The following PDLIM5 variants were observed in gnomAD, a reference collection of about 807,000 sequenced individuals.
PDLIM5 encodes PDZ and LIM domain 5.
In PDLIM5, 34 loss-of-function variants were observed where a neutral mutation model predicts 64.2. The observed-to-expected ratio is 0.53, with a 90% CI of 0.40 to 0.71. The LOEUF (loss-of-function observed/expected upper bound fraction) is 0.71. Ranked by LOEUF, PDLIM5 falls within the 30% of genes least tolerant of loss-of-function variation. The probability of loss-of-function intolerance (pLI) is 0.00; values close to 1 mark genes in which losing one functional copy is unlikely to be tolerated. For missense variants in PDLIM5, 683 were observed against 733.6 expected (o/e 0.93, Z 0.80); for synonymous variants, 253 against 269.1 (o/e 0.94, Z 0.59).
chr4:94,455,012 C>G (rs56827347), intron 1 of PDLIM5, among the ~76,000 whole-genome samples: 3 of 152,116 alleles, frequency 2.0e-5, no homozygotes, highest in African/African-American at 4.8e-5. Flanking sequence ...GTGAAACATA[C>G]TAAGTGTCTA....
At chr4:94,587,594 A>G in intron 7 of PDLIM5, 1 of 971,306 alleles carries the variant, frequency 1.0e-6, no homozygotes, top group Non-Finnish European at 1.2e-6. Flanking sequence ...GACTTTATTA[A>G]AGAAGAGTGC....
intron 8 of PDLIM5, among the ~76,000 whole-genome samples, chr4:94,634,542 T>C (rs749600254): frequency 1.3e-5 from 2 of 152,200 alleles, no homozygotes; most frequent in South Asian, 2.1e-4. Flanking sequence ...TTTGACAGGA[T>C]GTAGTATTTT....
chr4:94,657,623 C>A, intron 11 of PDLIM5, 76 bp downstream of exon 11: 1 of 1,046,778 alleles, frequency 9.6e-7, no homozygotes, highest in South Asian at 1.8e-5. Context: ...CTATAAAGCT[C>A]AAGAAAATAT....
At chr4:94,626,085 C>T (rs368921986) in intron 8 of PDLIM5, among the ~76,000 whole-genome samples, 6 of 152,004 alleles carry the variant, frequency 3.9e-5, no homozygotes, top group South Asian at 2.1e-4. Flanking sequence ...TTTGATCAAA[C>T]GAAACGGGAA....
At chr4:94,624,914 A>G (rs1739545661) in intron 8 of PDLIM5, among the ~76,000 whole-genome samples, 1 of 152,244 alleles carries the variant, frequency 6.6e-6, no homozygotes, top group African/African-American at 2.4e-5. Context: ...CATTATTAAA[A>G]GATTATTATA....
chr4:94,632,467 G>A (rs1740232174), intron 8 of PDLIM5, among the ~76,000 whole-genome samples: 1 of 152,158 alleles, frequency 6.6e-6, no homozygotes, highest in Non-Finnish European at 1.5e-5. Flanking sequence ...CTGGGCAACA[G>A]AGTAGAGACC....
intron 8 of PDLIM5, among the ~76,000 whole-genome samples, chr4:94,629,088 T>G (rs1269956833): frequency 6.6e-6 from 1 of 152,182 alleles, no homozygotes; most frequent in Non-Finnish European, 1.5e-5. Context: ...CAGTGGCCCA[T>G]GCCTGTAATC....
At chr4:94,606,283 T>C (rs1215071443) in intron 7 of PDLIM5, among the ~76,000 whole-genome samples, 1 of 152,110 alleles carries the variant, frequency 6.6e-6, no homozygotes, top group Non-Finnish European at 1.5e-5. Context: ...ATAATAATAA[T>C]AACAAATTAT....
At chr4:94,631,925 G>C (rs2110434929) in intron 8 of PDLIM5, among the ~76,000 whole-genome samples, 1 of 152,262 alleles carries the variant, frequency 6.6e-6, no homozygotes, top group Non-Finnish European at 1.5e-5. Flanking sequence ...TCAATATGTT[G>C]GTGACTCTTG....
At chr4:94,596,197 T>C (rs1047939332) in intron 7 of PDLIM5, among the ~76,000 whole-genome samples, 1 of 152,184 alleles carries the variant, frequency 6.6e-6, no homozygotes, top group Non-Finnish European at 1.5e-5. Context: ...TCCAAATTGT[T>C]TAATTCTGTT....
intron 2 of PDLIM5, among the ~76,000 whole-genome samples, chr4:94,486,268 A>G (rs139468666): frequency 5.3e-5 from 8 of 152,266 alleles, no homozygotes; most frequent in African/African-American, 9.6e-5. Flanking sequence ...AGCTTTTGGT[A>G]AGTTAGGCAA....
intron 11 of PDLIM5, among the ~76,000 whole-genome samples, chr4:94,661,276 C>T (rs1221975327): frequency 6.6e-6 from 1 of 151,904 alleles, no homozygotes; most frequent in Non-Finnish European, 1.5e-5. Context: ...TACATGTAGT[C>T]TCAGCTACTC....
At chr4:94,513,983 A>G (rs1708989843) in intron 2 of PDLIM5, among the ~76,000 whole-genome samples, 1 of 152,096 alleles carries the variant, frequency 6.6e-6, no homozygotes, top group South Asian at 2.1e-4. Context: ...AAATGATCAT[A>G]TGGTTTTTGT....
intron 8 of PDLIM5, among the ~76,000 whole-genome samples, chr4:94,628,704 A>G (rs11723532): frequency 0.36 from 55,123 of 151,930 alleles, 11,091 homozygotes; most frequent in South Asian, 0.61. Context: ...CTTTCGTGTG[A>G]CTTTGGAAGT....
intron 7 of PDLIM5, among the ~76,000 whole-genome samples, chr4:94,594,925 C>G (rs868563143): frequency 1.6e-4 from 24 of 152,120 alleles, no homozygotes; most frequent in African/African-American, 4.6e-4. Context: ...CTACCTGAGA[C>G]AGTAATTTAT....
intron 3 of PDLIM5, among the ~76,000 whole-genome samples, chr4:94,549,129 G>A (rs1398052596): frequency 6.6e-6 from 1 of 152,136 alleles, no homozygotes; most frequent in African/African-American, 2.4e-5. Flanking sequence ...ATTTGCTCTT[G>A]GTCCTAAAGT....
At chr4:94,608,110 A>C in intron 7 of PDLIM5, 1 of 1,532,462 alleles carries the variant, frequency 6.5e-7, no homozygotes, top group Non-Finnish European at 8.7e-7. Flanking sequence ...ACCCTCCTGC[A>C]ACTCCTCAGG....
chr4:94,456,042 C>T (rs1723317616), intron 2 of PDLIM5: 2 of 1,324,814 alleles, frequency 1.5e-6, no homozygotes, highest in Admixed American at 6.4e-5. Context: ...GTAATTAAAG[C>T]TTCTATTTAT....
Position 94,537,597 on chromosome 4 carries a change from A to G in PDLIM5, c.248+13722A>G, listed in dbSNP as rs571025479. On this transcript the variant is annotated intron_variant, in intron 3 of 12. Coordinates refer to ENST00000317968, the MANE Select transcript of PDLIM5 (RefSeq NM_006457.5). ...AGGGAAGCAGCTTGTTTTTTAGTGC[A>G]TAGTAGGAATTTAGTAAGTAAAGCA... is the stretch of plus-strand genomic sequence containing the variant. Among the ~76,000 whole-genome samples, 5 of 152,270 alleles carry G rather than the reference A, an allele frequency of 3.3e-5. No homozygotes were observed. In the South Asian group the frequency reaches 8.3e-4, roughly 25 times the overall value.
Sources: gnomAD v4.1 joint callset for allele counts (sites outside exome capture counted in the v4.1 genomes callset) on GRCh38, gnomAD v4.1.1 for gene constraint, MANE v1.5 for transcripts, NCBI Gene and HGNC (gene_info 2026-07-23, HGNC 2026-07-21) for gene names.